Variants in KLHL1 observed in about 807,000 individuals in gnomAD.
The protein encoded by KLHL1 is kelch-like protein 1.
A neutral mutation model predicts 77.7 loss-of-function variants in KLHL1; 47 were observed. The observed-to-expected ratio is 0.60, with a 90% CI of 0.48 to 0.77. KLHL1 has a LOEUF of 0.77. Among genes scored for constraint, KLHL1 ranks in the 30% least tolerant of loss-of-function variants. The probability of loss-of-function intolerance (pLI) is 0.00; values close to 1 mark genes in which losing one functional copy is unlikely to be tolerated. For synonymous variants in KLHL1, 360 were observed against 325.2 expected, an observed-to-expected ratio of 1.11 and a Z score of -1.15; for missense variants, 925 against 910.8, an observed-to-expected ratio of 1.02 and a Z score of -0.20.
At chr13:69,901,312 T>C (rs1021391213) in intron 4 of KLHL1, among the ~76,000 whole-genome samples, 1 of 152,256 alleles carries the variant, frequency 6.6e-6, no homozygotes, top group Non-Finnish European at 1.5e-5. Flanking sequence ...TTTATTTTAC[T>C]GTGCAGGCAC....
chr13:69,848,709 G>A (rs1879568366), intron 5 of KLHL1, among the ~76,000 whole-genome samples: 1 of 151,148 alleles, frequency 6.6e-6, no homozygotes, highest in Non-Finnish European at 1.5e-5. Context: ...AAGCATTTGA[G>A]GAAACAAGAA....
chr13:69,743,180 A>C (rs1276221917), intron 7 of KLHL1, among the ~76,000 whole-genome samples: 1 of 152,186 alleles, frequency 6.6e-6, no homozygotes, highest in Non-Finnish European at 1.5e-5. Context: ...ATAATTTAAT[A>C]AACTTAATAA....
intron 5 of KLHL1, among the ~76,000 whole-genome samples, chr13:69,871,290 G>A (rs957624488): frequency 6.6e-6 from 1 of 152,122 alleles, no homozygotes; most frequent in Admixed American, 6.5e-5. Context: ...GTGGTGCTCT[G>A]AGCCTGTCCC....
intron 1 of KLHL1, among the ~76,000 whole-genome samples, chr13:70,020,633 A>C (rs963247512): frequency 1.3e-5 from 2 of 152,034 alleles, no homozygotes; most frequent in Admixed American, 1.3e-4. Context: ...CCTTTTATCT[A>C]TGATTCCCAG....
intron 7 of KLHL1, 80 bp from the exon 8 acceptor site, chr13:69,740,636 C>T: frequency 9.5e-7 from 1 of 1,048,568 alleles, no homozygotes; most frequent in Non-Finnish European, 1.4e-6. Context: ...GTGGGTAGAT[C>T]TCATGTTAAG....
chr13:69,721,079 A>ATATATATATATATATATATAT (rs1555300737), intron 8 of KLHL1, among the ~76,000 whole-genome samples: 50 of 67,606 alleles, frequency 7.4e-4, no homozygotes, highest in East Asian at 2.4e-3. Flanking sequence ...ATATATATAT[A>ATATATATATATATATATATAT]AAGCTATGTA....
intron 1 of KLHL1, among the ~76,000 whole-genome samples, chr13:69,977,612 T>G (rs1469549697): frequency 6.6e-6 from 1 of 152,094 alleles, no homozygotes; most frequent in African/African-American, 2.4e-5. Context: ...TTTCAAAAAT[T>G]TGTTAGATAC....
intron 4 of KLHL1, among the ~76,000 whole-genome samples, chr13:69,913,595 T>G (rs1002650808): frequency 6.6e-6 from 1 of 152,226 alleles, no homozygotes; most frequent in African/African-American, 2.4e-5. Flanking sequence ...TCATATATTT[T>G]GGAAAATATG....
At chr13:69,871,995 A>G (rs1053633610) in intron 5 of KLHL1, among the ~76,000 whole-genome samples, 1 of 152,098 alleles carries the variant, frequency 6.6e-6, no homozygotes, top group African/African-American at 2.4e-5. Context: ...TCTTTATAGC[A>G]ACACTGACTC....
chr13:69,758,757 A>G (rs1566219779), intron 7 of KLHL1, among the ~76,000 whole-genome samples: 1 of 152,224 alleles, frequency 6.6e-6, no homozygotes, highest in South Asian at 2.1e-4. Context: ...TTACTGACAG[A>G]TCTAATTATA....
intron 3 of KLHL1, among the ~76,000 whole-genome samples, chr13:69,952,086 A>G (rs1379629836): frequency 6.6e-6 from 1 of 151,494 alleles, no homozygotes; most frequent in African/African-American, 2.4e-5. Flanking sequence ...GGGTTTGATT[A>G]CAAGGTTCTA....
Position 69,980,082 on chromosome 13 carries a change from A to G in KLHL1, c.498-4280T>C, listed in dbSNP as rs150835487. 3.6e-3 allele frequency among the ~76,000 whole-genome samples: 542 copies of G among 152,330 alleles called. 5 individuals carry two copies. The highest frequency in any genetic ancestry group is 0.012 in the African/African-American group (515 of 41,574). Reference sequence around the variant, plus strand: ...TATCATTGACGGCTGAGAACTGACCAACATGCTTTACTGTTCTCGTGCTAA... The same window carrying G: ...TATCATTGACGGCTGAGAACTGACCGACATGCTTTACTGTTCTCGTGCTAA... On this transcript the variant is annotated intron_variant, in intron 1 of 10. Transcript: ENST00000377844.
intron 5 of KLHL1, among the ~76,000 whole-genome samples, chr13:69,860,912 T>A (rs1476776500): frequency 6.6e-6 from 1 of 152,020 alleles, no homozygotes; most frequent in Non-Finnish European, 1.5e-5. Flanking sequence ...GAAATTTGGC[T>A]AAGTATAAGC....
chr13:70,002,777 GTATAAA>G lies in KLHL1; in HGVS notation c.498-26981_498-26976del, dbSNP rs201650587. ...AACTTCAAATATGCTAACGTGCTAAGTATAAAAAGCAAAACTATTAACAAGTAGAAG... is the reference window on the plus strand; with the variant it reads ...AACTTCAAATATGCTAACGTGCTAAGAAGCAAAACTATTAACAAGTAGAAG... On this transcript the variant is annotated intron_variant, in intron 1 of 10. Coordinates refer to ENST00000377844, the MANE Select transcript of KLHL1 (RefSeq NM_020866.3). 1.7e-3 allele frequency among the ~76,000 whole-genome samples: 254 copies of G among 151,714 alleles called. 1 individual carries two copies. Among genetic ancestry groups the G allele is most frequent in the African/African-American group, 5.7e-3 (238 of 41,484 alleles).
chr13:69,825,534 T>C (rs1878510519), intron 6 of KLHL1, among the ~76,000 whole-genome samples: 1 of 152,162 alleles, frequency 6.6e-6, no homozygotes, highest in Admixed American at 6.6e-5. Flanking sequence ...ATTTTATTTA[T>C]ATTTATATTT....
chr13:70,007,115 G>C (rs1326087620), intron 1 of KLHL1, among the ~76,000 whole-genome samples: 2 of 151,930 alleles, frequency 1.3e-5, no homozygotes, highest in African/African-American at 4.8e-5. Context: ...AATGCTGTTG[G>C]AAAGTTAATC....
At chr13:69,732,479 G>T (rs9542067) in intron 8 of KLHL1, among the ~76,000 whole-genome samples, 9,414 of 151,992 alleles carry the variant, frequency 0.062, 572 homozygotes, top group African/African-American at 0.16. Flanking sequence ...TTAAGCTGTT[G>T]TCTCTCAGGT....
At chr13:69,882,220 T>G in intron 5 of KLHL1, 63 bp downstream of exon 5, 1 of 1,128,836 alleles carries the variant, frequency 8.9e-7, no homozygotes, top group South Asian at 1.3e-5. Flanking sequence ...GTTTTGATGT[T>G]TACTTTTAAT....
At chr13:70,022,647 C>G (rs1885834665) in intron 1 of KLHL1, among the ~76,000 whole-genome samples, 1 of 151,798 alleles carries the variant, frequency 6.6e-6, no homozygotes, top group Non-Finnish European at 1.5e-5. Flanking sequence ...CTACACAATA[C>G]AAACAAATAT....
Sources: allele counts gnomAD v4.1 joint callset (sites outside exome capture counted in the v4.1 genomes callset), GRCh38; gene constraint gnomAD v4.1.1; transcripts MANE v1.5; gene names NCBI Gene and HGNC (gene_info 2026-07-23, HGNC 2026-07-21).